Variants in FRG1 observed in about 807,000 individuals in gnomAD.
FRG1 encodes protein FRG1.
In FRG1, 19 loss-of-function variants were observed where a neutral mutation model predicts 37.0. That is an observed-to-expected ratio of 0.51 (90% CI 0.36 to 0.75). The LOEUF is 0.75. FRG1 is among the 30% of genes least tolerant of loss of function. The pLI is 0.00. For missense variants in FRG1, 243 were observed against 301.4 expected (o/e 0.81, Z 1.44); for synonymous variants, 73 against 96.5 (o/e 0.76, Z 1.43).
At chr4:189,953,273 T>C (rs1736839554) in intron 4 of FRG1, 148 bp downstream of exon 4, 1 of 1,290,804 alleles carries the variant, frequency 7.7e-7, no homozygotes, top group African/African-American at 1.5e-5. Context: ...TTTTGTGATC[T>C]ACTTTTAATG....
In FRG1 at chr4:189,961,811, T is replaced by C; in HGVS notation, c.630-11T>C. 8.4e-7 allele frequency: 1 copy of C among 1,194,950 alleles called. No homozygotes were observed. Among genetic ancestry groups the C allele is most frequent in the Non-Finnish European group, 1.2e-6 (1 of 822,228 alleles). The allele number at this position is 1,194,950 out of a possible 1,614,324, so 74.0% of individuals were successfully genotyped here. A position where few individuals can be genotyped will look rare whatever the true frequency, so the allele number is the denominator to read the frequency against. On this transcript the variant is annotated splice_polypyrimidine_tract_variant and intron_variant, in intron 7 of 8. Coordinates refer to ENST00000226798, the MANE Select transcript of FRG1 (RefSeq NM_004477.3). ...TTGAGGTATTTTTCAATGAAGACAT[T>C]TTCTTTACAGAAAGAAATTTCAGAG...
chr4:189,958,019 C>T (rs1426234712), intron 6 of FRG1, among the ~76,000 whole-genome samples: 1 of 151,858 alleles, frequency 6.6e-6, no homozygotes, highest in African/African-American at 2.4e-5. Context: ...CTAAAGGTAG[C>T]CTCCTCTATA....
At chr4:189,950,882 T>C (rs903643460) in intron 2 of FRG1, among the ~76,000 whole-genome samples, 1 of 152,192 alleles carries the variant, frequency 6.6e-6, no homozygotes, top group East Asian at 1.9e-4. Context: ...GTACATTTCT[T>C]AACGTGGTAT....
At chr4:189,950,354 CAA>C (rs1413014798) in intron 2 of FRG1, among the ~76,000 whole-genome samples, 1 of 152,138 alleles carries the variant, frequency 6.6e-6, no homozygotes. Flanking sequence ...TCTTGATGCA[CAA>C]AAGTTTTTAA....
intron 2 of FRG1, among the ~76,000 whole-genome samples, chr4:189,950,842 T>C (rs1579628440): frequency 6.6e-6 from 1 of 152,304 alleles, no homozygotes; most frequent in South Asian, 2.1e-4. Flanking sequence ...ATCACAGATG[T>C]TATGTCATTT....
At chr4:189,962,929 A>G (rs548205621) in intron 8 of FRG1, among the ~76,000 whole-genome samples, 164 bp from the exon 9 acceptor site, 21 of 152,198 alleles carry the variant, frequency 1.4e-4, no homozygotes, top group African/African-American at 4.6e-4. Flanking sequence ...ATTAGAATCC[A>G]TTTTTTATAG....
chr4:189,951,302 A>G (rs1390881178), intron 2 of FRG1, among the ~76,000 whole-genome samples: 2 of 152,056 alleles, frequency 1.3e-5, no homozygotes. Context: ...AGCCTGGCCA[A>G]TGTGGTGAAA....
chr4:189,946,286 A>G (rs549990935), intron 2 of FRG1, among the ~76,000 whole-genome samples: 254 of 77,082 alleles, frequency 3.3e-3, no homozygotes, highest in African/African-American at 0.011. Context: ...CACACATAAA[A>G]TACACTAACG....
chr4:189,959,459 G>A (rs967169025), intron 6 of FRG1, among the ~76,000 whole-genome samples: 28 of 152,056 alleles, frequency 1.8e-4, no homozygotes, highest in African/African-American at 2.9e-4. Flanking sequence ...GACAGGATGT[G>A]TACCCAGGCC....
intron 6 of FRG1, among the ~76,000 whole-genome samples, chr4:189,959,154 C>T (rs1437631026): frequency 1.3e-5 from 2 of 152,182 alleles, no homozygotes; most frequent in African/African-American, 2.4e-5. Flanking sequence ...TGTTAGATTT[C>T]CTGTCATAAG....
intron 1 of FRG1, among the ~76,000 whole-genome samples, chr4:189,941,642 A>G (rs1736305935): frequency 6.6e-6 from 1 of 152,042 alleles, no homozygotes; most frequent in South Asian, 2.1e-4. Context: ...AAATATCTGA[A>G]CCTCCGTTTA....
In FRG1 at chr4:189,952,162, G is replaced by A. The variant is rs1736781298; in HGVS notation, c.134G>A (p.Gly45Glu). The A allele has an allele frequency of 6.5e-7, 1 of 1,548,596 alleles. No individual in the cohort carries two copies. Among genetic ancestry groups the A allele is most frequent in the South Asian group, 1.3e-5 (1 of 79,762 alleles). Residue 45 changes from glycine (G) to glutamate (E), a missense_variant and splice_region_variant, in exon 3 of 9, where the codon GGA becomes GAA. By Grantham distance (98) the Gly-to-Glu change is moderately conservative (BLOSUM62 -2). This residue lies in a region of FRG1 where 110 missense variants were observed against 102.2 expected (regional missense o/e 1.08). Transcript: ENST00000226798. ...EDEETQLDIV[G>E]IWWTVTNFGE... The stretch of plus-strand genomic sequence containing the variant: ...TTGAAATATTGATTTTATTTTTTAG[G>A]AATCTGGTGGACAGTAACAAACTTT...
Position 189,955,171 on chromosome 4 carries a change from A to G in FRG1, c.432+20A>G. On this transcript the variant is annotated intron_variant, in intron 5 of 8. Coordinates refer to ENST00000226798, the MANE Select transcript of FRG1 (RefSeq NM_004477.3). ...CAAAATGTAAGTGCTGTTATTGTTT[A>G]TAAAAACTTCCTGTCAGTTTAACAG... 1 of 1,441,754 alleles carries G rather than the reference A, an allele frequency of 6.9e-7. No homozygotes were observed. The allele number at this position is 1,441,754 out of a possible 1,614,324, so 89.3% of individuals were successfully genotyped here. A position where few individuals can be genotyped will look rare whatever the true frequency, so the allele number is the denominator to read the frequency against.
intron 2 of FRG1, among the ~76,000 whole-genome samples, chr4:189,945,836 A>C (rs1297805954): frequency 1.3e-4 from 20 of 151,740 alleles, no homozygotes; most frequent in Admixed American, 1.3e-3. Context: ...GATGGGTATG[A>C]GTTGTTCTTT....
chr4:189,948,075 A>T (rs571221711), intron 2 of FRG1, among the ~76,000 whole-genome samples: 99 of 152,324 alleles, frequency 6.5e-4, no homozygotes, highest in African/African-American at 2.4e-3. Flanking sequence ...CTTGGCTGGA[A>T]GAGGAAGTCC....
At chr4:189,962,647 T>G (rs1348844015) in intron 8 of FRG1, among the ~76,000 whole-genome samples, 2 of 152,128 alleles carry the variant, frequency 1.3e-5, no homozygotes, top group African/African-American at 4.8e-5. Flanking sequence ...AGTCAGTAAA[T>G]AATGTTAAGA....
At chr4:189,947,881 G>A (rs543484079) in intron 2 of FRG1, among the ~76,000 whole-genome samples, 3 of 152,336 alleles carry the variant, frequency 2.0e-5, no homozygotes, top group Admixed American at 6.5e-5. Context: ...ACCTCTCTCC[G>A]TGTGGTCAAG....
At chr4:189,944,718 T>C (rs1365069824) in intron 2 of FRG1, among the ~76,000 whole-genome samples, 1 of 152,194 alleles carries the variant, frequency 6.6e-6, no homozygotes, top group African/African-American at 2.4e-5. Context: ...ATTAACTTTC[T>C]ATGTATTGGT....
intron 2 of FRG1, among the ~76,000 whole-genome samples, chr4:189,946,938 C>T (rs1281849459): frequency 4.6e-5 from 7 of 152,052 alleles, no homozygotes; most frequent in Non-Finnish European, 1.0e-4. Context: ...CTGCAACCTC[C>T]GCCTCCCAGG....
Sources: gnomAD v4.1 joint callset for allele counts (sites outside exome capture counted in the v4.1 genomes callset) on GRCh38, gnomAD v4.1.1 for gene constraint, gnomAD v4.1.1 regional missense constraint, MANE v1.5 for transcripts, NCBI Gene and HGNC (gene_info 2026-07-23, HGNC 2026-07-21) for gene names.